Variants in CNTN5 observed in about 807,000 individuals in gnomAD.
CNTN5 encodes contactin-5.
Under a neutral mutation model 129.1 loss-of-function variants are expected in CNTN5, and 77 were observed. The ratio of observed to expected loss-of-function variants is 0.60; its 90% CI spans 0.50 to 0.72. The LOEUF (loss-of-function observed/expected upper bound fraction) is 0.72. CNTN5 is among the 30% of genes least tolerant of loss of function. The pLI, the probability that CNTN5 is intolerant of heterozygous loss-of-function variation, is 0.00. For synonymous variants in CNTN5, 509 were observed against 465.6 expected, an observed-to-expected ratio of 1.09 and a Z score of -1.20; for missense variants, 1,478 against 1,328.8, an observed-to-expected ratio of 1.11 and a Z score of -1.75.
At chr11:99,403,957 A>T (rs2136218395) in intron 2 of CNTN5, among the ~76,000 whole-genome samples, 1 of 152,274 alleles carries the variant, frequency 6.6e-6, no homozygotes, top group Non-Finnish European at 1.5e-5. Context: ...TGGGGTGTTT[A>T]AGTCTCCAAC....
chr11:99,033,619 G>T (rs1245539126), intron 1 of CNTN5, among the ~76,000 whole-genome samples: 1 of 151,370 alleles, frequency 6.6e-6, no homozygotes, highest in Non-Finnish European at 1.5e-5. Context: ...CATTGATTTT[G>T]TATCCTGAGA....
At position 100,338,003 on chromosome 11, in the gene CNTN5, G is replaced by A. The variant is rs142393063; in HGVS notation, c.2731-2460G>A. On this transcript the variant is annotated intron_variant, in intron 21 of 24. Transcript: ENST00000524871. ...TCGTGAAACCTTGCCCCTTCTCTAG[G>A]GAACTACATCAGAAAGTTACCTACC... is the stretch of plus-strand genomic sequence containing the variant. Among the ~76,000 whole-genome samples, 856 of 152,200 alleles carry A rather than the reference G, an allele frequency of 5.6e-3. 9 individuals carry two copies. The highest frequency in any genetic ancestry group is 0.019 in the African/African-American group (795 of 41,526).
chr11:99,436,711 A>G lies in CNTN5; in HGVS notation c.-71+111227A>G, dbSNP rs544494159. Among the ~76,000 whole-genome samples the G allele has an allele frequency of 2.6e-5, 4 of 152,140 alleles. No individual in the cohort carries two copies. The South Asian group carries it at 6.2e-4, about 24-fold the overall frequency. ...ACAATAATAATATGTTACATTTACA[A>G]AATACTCAAAAATTCAACATTTTAT... On this transcript the variant is annotated intron_variant, in intron 2 of 24. Transcript: ENST00000524871.
chr11:99,239,816 A>G (rs1024894200), intron 1 of CNTN5, among the ~76,000 whole-genome samples: 4 of 151,990 alleles, frequency 2.6e-5, no homozygotes, highest in African/African-American at 9.7e-5. Context: ...GGGCGCCTGT[A>G]GTCCCAGCTA....
chr11:99,226,099 C>T (rs1189860789), intron 1 of CNTN5, among the ~76,000 whole-genome samples: 1 of 152,108 alleles, frequency 6.6e-6, no homozygotes. Context: ...TGATATTTGA[C>T]TGGAAAAATC....
chr11:99,042,520 C>T (rs12223818), intron 1 of CNTN5, among the ~76,000 whole-genome samples: 1 of 151,612 alleles, frequency 6.6e-6, no homozygotes, highest in African/African-American at 2.4e-5. Context: ...GGACTACAGG[C>T]GCCCGCCACC....
chr11:99,491,009 A>G (rs1256341403), intron 2 of CNTN5, among the ~76,000 whole-genome samples: 3 of 152,024 alleles, frequency 2.0e-5, no homozygotes, highest in African/African-American at 4.8e-5. Flanking sequence ...CTCAAGTTGC[A>G]TATGTGGGAA....
chr11:99,381,408 G>C (rs1271443967), intron 2 of CNTN5, among the ~76,000 whole-genome samples: 2 of 152,154 alleles, frequency 1.3e-5, no homozygotes, highest in African/African-American at 4.8e-5. Context: ...TTAAAAGATA[G>C]CATGGCTTAT....
intron 7 of CNTN5, among the ~76,000 whole-genome samples, chr11:99,938,978 A>C (rs1410232449): frequency 6.6e-6 from 1 of 152,074 alleles, no homozygotes; most frequent in Admixed American, 6.5e-5. Flanking sequence ...GAGGTCTTAC[A>C]ATTTATTACT....
chr11:99,320,837 G>A (rs1865538598), intron 1 of CNTN5, among the ~76,000 whole-genome samples: 1 of 152,082 alleles, frequency 6.6e-6, no homozygotes, highest in Non-Finnish European at 1.5e-5. Context: ...ATTATTTTGG[G>A]TGTGTCTGTG....
At chr11:99,617,500 A>G (rs894187351) in intron 3 of CNTN5, among the ~76,000 whole-genome samples, 1 of 152,202 alleles carries the variant, frequency 6.6e-6, no homozygotes, top group Non-Finnish European at 1.5e-5. Flanking sequence ...ATTAGTCCAT[A>G]GAAAAGTGAC....
At chr11:99,987,548 TACAC>T (rs112393385) in intron 8 of CNTN5, among the ~76,000 whole-genome samples, 2 of 145,034 alleles carry the variant, frequency 1.4e-5, no homozygotes, top group Admixed American at 6.9e-5. Context: ...TATATACACA[TACAC>T]ACACACACAT....
At chr11:100,020,225 C>G (rs1053224755) in intron 9 of CNTN5, among the ~76,000 whole-genome samples, 1 of 151,910 alleles carries the variant, frequency 6.6e-6, no homozygotes, top group Non-Finnish European at 1.5e-5. Flanking sequence ...AATCAAGAAG[C>G]TTTTTCCTCT....
At chr11:99,886,602 C>G (rs1422977474) in intron 6 of CNTN5, among the ~76,000 whole-genome samples, 1 of 152,044 alleles carries the variant, frequency 6.6e-6, no homozygotes, top group Non-Finnish European at 1.5e-5. Context: ...AAACCATATA[C>G]CATGAGACAT....
At chr11:99,416,791 A>G (rs544084235) in intron 2 of CNTN5, among the ~76,000 whole-genome samples, 1 of 152,286 alleles carries the variant, frequency 6.6e-6, no homozygotes, top group Non-Finnish European at 1.5e-5. Context: ...GGAAGGGGCT[A>G]TGTGCAAAAC....
At chr11:99,925,975 A>G (rs183415513) in intron 7 of CNTN5, among the ~76,000 whole-genome samples, 2 of 152,268 alleles carry the variant, frequency 1.3e-5, no homozygotes, top group African/African-American at 4.8e-5. Flanking sequence ...CCTGGCTCTG[A>G]CATTTACCAT....
intron 1 of CNTN5, among the ~76,000 whole-genome samples, chr11:99,233,771 C>A (rs1268753134): frequency 1.3e-5 from 2 of 151,992 alleles, no homozygotes; most frequent in Non-Finnish European, 2.9e-5. Context: ...CCCGGTGAAA[C>A]CCATCTCTAC....
At chr11:99,905,879 G>A (rs547794805) in intron 6 of CNTN5, among the ~76,000 whole-genome samples, 32 of 152,124 alleles carry the variant, frequency 2.1e-4, no homozygotes, top group Non-Finnish European at 4.3e-4. Flanking sequence ...TATGTTCCTA[G>A]GTATTTTATT....
At chr11:99,818,357 G>A (rs1025191267) in intron 3 of CNTN5, among the ~76,000 whole-genome samples, 20 of 152,098 alleles carry the variant, frequency 1.3e-4, no homozygotes, top group African/African-American at 4.8e-4. Flanking sequence ...CCAGGCTCAA[G>A]CAATCCTCCC....
Sources: allele counts gnomAD v4.1 joint callset (sites outside exome capture counted in the v4.1 genomes callset), GRCh38; gene constraint gnomAD v4.1.1; transcripts MANE v1.5; gene names NCBI Gene and HGNC (gene_info 2026-07-23, HGNC 2026-07-21).